AXDND1: variants seen among roughly 807,000 people sequenced by gnomAD.
The protein encoded by AXDND1 is axonemal dynein light chain domain-containing protein 1.
AXDND1 carries 110 observed loss-of-function variants against 137.5 expected under a neutral mutation model. That is an observed-to-expected ratio of 0.80 (90% CI 0.69 to 0.94). AXDND1 has a LOEUF of 0.94. Among genes scored for constraint, AXDND1 ranks in the 40% least tolerant of loss-of-function variants. The pLI is 0.00. For missense variants in AXDND1, 1,191 were observed against 1,169.8 expected (o/e 1.02, Z -0.26); for synonymous variants, 414 against 399.7 (o/e 1.04, Z -0.43).
intron 21 of AXDND1, among the ~76,000 whole-genome samples, chr1:179,518,466 T>A (rs1669759919): frequency 6.6e-6 from 1 of 152,080 alleles, no homozygotes; most frequent in African/African-American, 2.4e-5. Context: ...GGAGGTTTGT[T>A]GTACAGATTA....
At chr1:179,552,396 TATC>T (rs1673419070) in intron 25 of AXDND1, 5 of 619,162 alleles carry the variant, frequency 8.1e-6, no homozygotes, top group Non-Finnish European at 1.2e-5. Flanking sequence ...TGGTCACTAT[TATC>T]AGTAGCTTCA....
intron 4 of AXDND1, among the ~76,000 whole-genome samples, chr1:179,376,341 T>G (rs12121591): frequency 1.3e-5 from 2 of 152,170 alleles, no homozygotes; most frequent in African/African-American, 4.8e-5. Context: ...CAGAAACTCA[T>G]GTATATATAT....
intron 25 of AXDND1, chr1:179,544,276 G>A (rs1672436914): frequency 6.6e-6 from 1 of 152,144 alleles, no homozygotes; most frequent in African/African-American, 2.4e-5. Context: ...CCTAACAGAG[G>A]TCTGTGAAAT....
chr1:179,499,897 C>T lies in AXDND1; in HGVS notation c.2388+6946C>T, dbSNP rs1454705096. On this transcript the variant is annotated intron_variant, in intron 20 of 25. Coordinates refer to ENST00000367618, the MANE Select transcript of AXDND1 (RefSeq NM_144696.6). ...AAGACTTGCGAATAAATTAAAAACCCAAGTAGTCCTATAACCATTAAAGGA... is the reference window on the plus strand; with the variant it reads ...AAGACTTGCGAATAAATTAAAAACCTAAGTAGTCCTATAACCATTAAAGGA... Among the ~76,000 whole-genome samples, 4 of 151,978 alleles carry T rather than the reference C, an allele frequency of 2.6e-5. No homozygotes were observed. The East Asian group carries it at 7.7e-4, about 29-fold the overall frequency.
At chr1:179,405,404 C>T (rs2125193190) in intron 11 of AXDND1, among the ~76,000 whole-genome samples, 1 of 152,268 alleles carries the variant, frequency 6.6e-6, no homozygotes, top group East Asian at 1.9e-4. Context: ...GTTTTCATAG[C>T]AGAATGATTT....
At chr1:179,459,236 C>T (rs892913171) in intron 16 of AXDND1, among the ~76,000 whole-genome samples, 5 of 152,160 alleles carry the variant, frequency 3.3e-5, no homozygotes, top group Admixed American at 6.5e-5. Context: ...AAACAATCCT[C>T]CTGCCTCAGC....
intron 4 of AXDND1, among the ~76,000 whole-genome samples, chr1:179,374,663 A>G (rs929229232): frequency 2.6e-5 from 4 of 152,196 alleles, no homozygotes; most frequent in African/African-American, 9.7e-5. Flanking sequence ...GGATGAGTTC[A>G]TGTCGTTTGT....
rs1648589473 is a variant in AXDND1, at chr1:179,382,776, T to C, written c.638+20T>C. 6.4e-7 allele frequency: 1 copy of C among 1,564,886 alleles called. No individual in the cohort carries two copies. ...ATCCATGTAAGTACAGTTTATTTTC[T>C]AAAGTCTTTCTCAGAAAGAATACCT... On this transcript the variant is annotated intron_variant, in intron 7 of 25. Transcript: ENST00000367618.
At chr1:179,551,152 T>C in intron 25 of AXDND1, 1 of 1,613,400 alleles carries the variant, frequency 6.2e-7, no homozygotes. Context: ...CCCTTTACAG[T>C]CACATTATGC....
chr1:179,411,200 T>G lies in AXDND1; in HGVS notation c.1164T>G (p.Asn388Lys). 1 of 1,612,416 alleles carries G rather than the reference T, an allele frequency of 6.2e-7. No homozygotes were observed. The stretch of plus-strand genomic sequence containing the variant: ...CATTACAAAGAGAAAGGATGGAGAA[T>G]GATATGAAAAAGTTAGTGGCAGAAA... The part of the protein sequence containing the change: ...LYTLQRERME[N>K]DMKKLVAERD... The change falls in exon 12 of 26, where the codon AAT becomes AAG. Residue 388 changes from asparagine (N) to lysine (K), a missense_variant. Transcript: ENST00000367618.
intron 11 of AXDND1, among the ~76,000 whole-genome samples, chr1:179,400,338 A>G (rs11582995): frequency 0.29 from 44,315 of 151,898 alleles, 6,668 homozygotes; most frequent in Non-Finnish European, 0.31. Context: ...GGAAAACCAA[A>G]CATTGTATGT....
intron 17 of AXDND1, among the ~76,000 whole-genome samples, chr1:179,473,310 C>A (rs953194443): frequency 3.3e-5 from 5 of 151,898 alleles, no homozygotes; most frequent in African/African-American, 1.2e-4. Context: ...CCAGCCTGGC[C>A]AACATGGTGA....
intron 12 of AXDND1, among the ~76,000 whole-genome samples, chr1:179,428,274 A>G (rs1015113819): frequency 6.6e-6 from 1 of 152,240 alleles, no homozygotes; most frequent in Non-Finnish European, 1.5e-5. Flanking sequence ...CCCTCACACT[A>G]GAAGTATTTC....
chr1:179,486,869 A>G (rs1666142423), intron 18 of AXDND1, among the ~76,000 whole-genome samples: 1 of 148,654 alleles, frequency 6.7e-6, no homozygotes, highest in African/African-American at 2.6e-5. Context: ...AGCCACGACA[A>G]ATACACACTT....
intron 12 of AXDND1, among the ~76,000 whole-genome samples, chr1:179,414,724 C>A (rs906628499): frequency 1.3e-5 from 2 of 152,120 alleles, no homozygotes; most frequent in South Asian, 2.1e-4. Context: ...CGCGCCCGGC[C>A]AAATTAATCT....
intron 4 of AXDND1, among the ~76,000 whole-genome samples, chr1:179,372,648 A>C (rs1343420597): frequency 1.3e-5 from 2 of 152,124 alleles, no homozygotes; most frequent in Non-Finnish European, 1.5e-5. Flanking sequence ...TTTACCATAG[A>C]ATTTTATGAA....
chr1:179,525,105 A>G (rs1670409536), intron 21 of AXDND1, among the ~76,000 whole-genome samples: 1 of 152,142 alleles, frequency 6.6e-6, no homozygotes, highest in South Asian at 2.1e-4. Context: ...CCAGTCCACT[A>G]CCTGGTCTAA....
At chr1:179,529,150 A>G (rs1158976641) in intron 23 of AXDND1, among the ~76,000 whole-genome samples, 1 of 152,236 alleles carries the variant, frequency 6.6e-6, no homozygotes, top group African/African-American at 2.4e-5. Context: ...AGTTAGCTCT[A>G]GATCAGTGTC....
chr1:179,510,243 A>G (rs774789137), intron 21 of AXDND1, among the ~76,000 whole-genome samples: 1 of 152,156 alleles, frequency 6.6e-6, no homozygotes, highest in Non-Finnish European at 1.5e-5. Flanking sequence ...CTTACCGAGA[A>G]TCTCAAATCA....
Sources: allele counts gnomAD v4.1 joint callset (sites outside exome capture counted in the v4.1 genomes callset), GRCh38; gene constraint gnomAD v4.1.1; transcripts MANE v1.5; gene names NCBI Gene and HGNC (gene_info 2026-07-23, HGNC 2026-07-21).